The following HS6ST2 variants were observed in gnomAD, a reference collection of about 807,000 sequenced individuals.
HS6ST2 encodes heparan-sulfate 6-O-sulfotransferase 2.
In HS6ST2, 17 loss-of-function variants were observed where a neutral mutation model predicts 33.0. The ratio of observed to expected loss-of-function variants is 0.52; its 90% CI spans 0.35 to 0.77. The LOEUF is 0.77. Ranked by LOEUF, HS6ST2 falls within the 30% of genes least tolerant of loss-of-function variation. HS6ST2 has a pLI of 0.01. For synonymous variants in HS6ST2, 248 were observed against 237.1 expected, an observed-to-expected ratio of 1.05 and a Z score of -0.42; for missense variants, 519 against 551.7, an observed-to-expected ratio of 0.94 and a Z score of 0.59.
intron 2 of HS6ST2, among the ~76,000 whole-genome samples, chrX:132,823,820 A>G (rs1362818639): frequency 1.9e-5 from 2 of 105,157 alleles, no homozygotes; most frequent in African/African-American, 6.9e-5. Context: ...ACACCACTGT[A>G]CTCCAGCCTG....
intron 3 of HS6ST2, among the ~76,000 whole-genome samples, chrX:132,679,530 G>T (rs1343378722): frequency 9.0e-6 from 1 of 111,572 alleles, no homozygotes; most frequent in Non-Finnish European, 1.9e-5. Context: ...GGCAGGGCGA[G>T]ATCACAGGAC....
At chrX:132,863,041 T>C (rs1030874369) in intron 2 of HS6ST2, among the ~76,000 whole-genome samples, 1 of 111,971 alleles carries the variant, frequency 8.9e-6, no homozygotes, top group African/African-American at 3.2e-5. Context: ...GTTTGGATTC[T>C]TCAGGATTGG....
intron 2 of HS6ST2, among the ~76,000 whole-genome samples, chrX:132,850,639 A>G (rs909104802): frequency 9.0e-6 from 1 of 111,296 alleles, no homozygotes; most frequent in Middle Eastern, 4.7e-3. Context: ...GTTAAAGCAC[A>G]GGTAGGAAGT....
intron 2 of HS6ST2, chrX:132,735,217 A>C (rs1206692873): frequency 9.0e-6 from 1 of 111,497 alleles, no homozygotes; most frequent in Non-Finnish European, 1.9e-5. Context: ...CCATCCCTCA[A>C]ACACAGCTGT....
intron 2 of HS6ST2, among the ~76,000 whole-genome samples, chrX:132,913,617 G>C (rs200634339): frequency 1.8e-5 from 2 of 112,554 alleles, no homozygotes; most frequent in East Asian, 5.7e-4. Context: ...CAAGTGAGCA[G>C]GGTGCCTCCT....
chrX:132,935,248 C>T (rs2066811967), intron 2 of HS6ST2, among the ~76,000 whole-genome samples: 1 of 393 alleles, frequency 2.5e-3, no homozygotes, highest in Non-Finnish European at 4.5e-3. Flanking sequence ...GCACAATAAA[C>T]TACCAAGTTT....
At chrX:132,662,100 T>C in intron 4 of HS6ST2, among the ~76,000 whole-genome samples, 1 of 111,682 alleles carries the variant, frequency 9.0e-6, no homozygotes, top group Middle Eastern at 4.6e-3. Context: ...TATCAATCAA[T>C]GGAATAACAC....
intron 3 of HS6ST2, among the ~76,000 whole-genome samples, chrX:132,689,901 C>T (rs753437468): frequency 4.6e-5 from 5 of 109,465 alleles, no homozygotes; most frequent in Non-Finnish European, 9.5e-5. Context: ...TTTTTTTAAG[C>T]TTATCAGCAA....
At chrX:132,772,993 TTA>T (rs1439761552) in intron 2 of HS6ST2, among the ~76,000 whole-genome samples, 1 of 88,495 alleles carries the variant, frequency 1.1e-5, no homozygotes, top group Non-Finnish European at 2.1e-5. Flanking sequence ...TCTTTTATAT[TTA>T]TATATTTATG....
intron 2 of HS6ST2, among the ~76,000 whole-genome samples, chrX:132,925,214 G>A (rs1429892386): frequency 4.5e-5 from 5 of 112,081 alleles, no homozygotes; most frequent in South Asian, 3.8e-4. Flanking sequence ...ACACATGGAG[G>A]TGACAAGAGG....
At chrX:132,933,547 A>G (rs1424494708) in intron 2 of HS6ST2, among the ~76,000 whole-genome samples, 6 of 111,403 alleles carry the variant, frequency 5.4e-5, no homozygotes, top group Non-Finnish European at 9.4e-5. Flanking sequence ...AGAAACAGAA[A>G]AGAAAAAAAA....
At chrX:132,755,505 T>A (rs1181288620) in intron 2 of HS6ST2, among the ~76,000 whole-genome samples, 1 of 29,446 alleles carries the variant, frequency 3.4e-5, no homozygotes, top group Non-Finnish European at 6.9e-5. Context: ...AAGGCAATGG[T>A]TTTTTTTTTT....
intron 2 of HS6ST2, among the ~76,000 whole-genome samples, chrX:132,899,119 A>G (rs1176884715): frequency 8.9e-6 from 1 of 111,805 alleles, no homozygotes; most frequent in Non-Finnish European, 1.9e-5. Flanking sequence ...ATAAAAATCA[A>G]GCCTCAAAAG....
At chrX:132,841,009 C>T (rs2065702477) in intron 2 of HS6ST2, among the ~76,000 whole-genome samples, 1 of 112,081 alleles carries the variant, frequency 8.9e-6, no homozygotes, top group Non-Finnish European at 1.9e-5. Flanking sequence ...TTCTTAAATT[C>T]TAGTTACAAG....
At chrX:132,793,376 A>G (rs189278277) in intron 2 of HS6ST2, among the ~76,000 whole-genome samples, 11 of 110,900 alleles carry the variant, frequency 9.9e-5, no homozygotes, top group Admixed American at 3.9e-4. Flanking sequence ...AACTCTTTTT[A>G]CATGCCAGCC....
At chrX:132,671,957 G>T (rs2063884656) in intron 3 of HS6ST2, among the ~76,000 whole-genome samples, 1 of 111,551 alleles carries the variant, frequency 9.0e-6, no homozygotes, top group African/African-American at 3.3e-5. Flanking sequence ...GTATAGAAAA[G>T]TTTACCTAAC....
At chrX:132,757,751 CA>C (rs1233831547) in intron 2 of HS6ST2, among the ~76,000 whole-genome samples, 1 of 111,930 alleles carries the variant, frequency 8.9e-6, no homozygotes, top group Non-Finnish European at 1.9e-5. Flanking sequence ...AAACACAGGC[CA>C]GGGGCCAAAA....
chrX:132,938,285 C>CA (rs759023412), intron 2 of HS6ST2, among the ~76,000 whole-genome samples: 1 of 109,273 alleles, frequency 9.2e-6, no homozygotes, highest in East Asian at 2.9e-4. Context: ...AAACACTCAT[C>CA]AAACTAGGAA....
chrX:132,780,870 G>A (rs1191030175), intron 2 of HS6ST2, among the ~76,000 whole-genome samples: 1 of 111,874 alleles, frequency 8.9e-6, no homozygotes, highest in Non-Finnish European at 1.9e-5. Context: ...AGCTGAAGCT[G>A]AGCCTTGAGC....
Sources: gnomAD v4.1 joint callset for allele counts (sites outside exome capture counted in the v4.1 genomes callset) on GRCh38, gnomAD v4.1.1 for gene constraint, MANE v1.5 for transcripts, NCBI Gene and HGNC (gene_info 2026-07-23, HGNC 2026-07-21) for gene names.